The following MTHFD1L variants were observed in gnomAD, a reference collection of about 807,000 sequenced individuals.
MTHFD1L encodes the protein monofunctional C1-tetrahydrofolate synthase, mitochondrial.
Under a neutral mutation model 119.5 loss-of-function variants are expected in MTHFD1L, and 81 were observed. That is an observed-to-expected ratio of 0.68 (90% CI 0.57 to 0.82). The LOEUF (loss-of-function observed/expected upper bound fraction) is 0.82. MTHFD1L is among the 40% of genes least tolerant of loss of function. The pLI, the probability that MTHFD1L is intolerant of heterozygous loss-of-function variation, is 0.00. For missense variants in MTHFD1L, 1,125 were observed against 1,253.4 expected (o/e 0.90, Z 1.55); for synonymous variants, 430 against 475.2 (o/e 0.90, Z 1.24).
At chr6:151,092,201 A>C (rs904843719) in intron 26 of MTHFD1L, among the ~76,000 whole-genome samples, 2 of 152,142 alleles carry the variant, frequency 1.3e-5, no homozygotes, top group African/African-American at 4.8e-5. Context: ...GGAGTTTGGA[A>C]GATCACTGTT....
At position 151,036,258 on chromosome 6, in the gene MTHFD1L, A is replaced by AT. The variant is rs541242845; in HGVS notation, c.2695-697dup. Among the ~76,000 whole-genome samples the AT allele has an allele frequency of 2.8e-3, 421 of 150,110 alleles. 1 individual carries two copies. The highest frequency in any genetic ancestry group is 5.5e-3 in the Admixed American group (83 of 15,026). ...TAGCAAAACCTCCATCTCTATTTTT[A>AT]TTTTTTTTTTAAAGTTAGTGTCAAG... On this transcript the variant is annotated intron_variant, in intron 25 of 27. Coordinates refer to ENST00000367321, the MANE Select transcript of MTHFD1L (RefSeq NM_015440.5).
chr6:150,962,728 A>G (rs1434849988), intron 18 of MTHFD1L, among the ~76,000 whole-genome samples: 1 of 152,160 alleles, frequency 6.6e-6, no homozygotes, highest in Non-Finnish European at 1.5e-5. Context: ...CAACAGAAAC[A>G]TCCCTCTTAA....
At chr6:150,895,395 A>G (rs1415867473) in intron 7 of MTHFD1L, among the ~76,000 whole-genome samples, 1 of 152,180 alleles carries the variant, frequency 6.6e-6, no homozygotes, top group South Asian at 2.1e-4. Flanking sequence ...ACAGCTGGAC[A>G]ATGCTGAAAT....
intron 8 of MTHFD1L, among the ~76,000 whole-genome samples, chr6:150,911,790 A>T (rs1009285617): frequency 2.0e-5 from 3 of 152,200 alleles, no homozygotes; most frequent in African/African-American, 7.2e-5. Flanking sequence ...CACTTCTTAC[A>T]TGGCAGCAGC....
chr6:151,032,473 C>A (rs940654029), intron 24 of MTHFD1L, among the ~76,000 whole-genome samples: 1 of 152,160 alleles, frequency 6.6e-6, no homozygotes, highest in African/African-American at 2.4e-5. Flanking sequence ...ATGAGGGATC[C>A]GCCCCCGTGA....
chr6:150,884,258 C>T (rs1427087552), intron 5 of MTHFD1L, among the ~76,000 whole-genome samples: 1 of 151,650 alleles, frequency 6.6e-6, no homozygotes, highest in Non-Finnish European at 1.5e-5. Context: ...TCTCCTGCCT[C>T]AGCCTCCCGA....
intron 20 of MTHFD1L, among the ~76,000 whole-genome samples, chr6:150,982,989 T>C (rs571139008): frequency 1.4e-4 from 22 of 152,338 alleles, no homozygotes; most frequent in Non-Finnish European, 2.9e-4. Flanking sequence ...CATGAGCCAC[T>C]ATGACCGGCT....
intron 26 of MTHFD1L, among the ~76,000 whole-genome samples, chr6:151,089,745 G>A (rs1386547223): frequency 6.6e-6 from 1 of 152,248 alleles, no homozygotes; most frequent in African/African-American, 2.4e-5. Flanking sequence ...TGTGTTTGAT[G>A]TTTCAAGTAG....
intron 1 of MTHFD1L, chr6:150,866,744 C>A: frequency 9.7e-7 from 1 of 1,030,886 alleles, no homozygotes; most frequent in Non-Finnish European, 1.2e-6. Flanking sequence ...GCTGGGTTTG[C>A]AGGGTTTTCT....
intron 9 of MTHFD1L, among the ~76,000 whole-genome samples, chr6:150,920,161 C>T (rs1039120167): frequency 6.6e-6 from 1 of 152,186 alleles, no homozygotes; most frequent in Non-Finnish European, 1.5e-5. Context: ...TGGGCTCTAA[C>T]CTCATGTGCC....
At position 151,039,538 on chromosome 6, in the gene MTHFD1L, G is replaced by A. The variant is rs1338642507; in HGVS notation, c.2847+2421G>A. ...CAAGTAGCTGTGACTACAGGCTCATGCCACTGTGCCAGGCCTGTGTATAAT... is the reference window on the plus strand; with the variant it reads ...CAAGTAGCTGTGACTACAGGCTCATACCACTGTGCCAGGCCTGTGTATAAT... On this transcript the variant is annotated intron_variant, in intron 26 of 27. Transcript: ENST00000367321. The surrounding 1 kb of genome is among the most constrained non-coding windows in gnomAD (Gnocchi z 4.4). Among the ~76,000 whole-genome samples the A allele has an allele frequency of 6.6e-6, 1 of 152,110 alleles. No individual in the cohort carries two copies. Among genetic ancestry groups the A allele is most frequent in the Non-Finnish European group, 1.5e-5 (1 of 68,026 alleles).
At chr6:150,867,795 T>C (rs1381497484) in intron 1 of MTHFD1L, among the ~76,000 whole-genome samples, 1 of 94,188 alleles carries the variant, frequency 1.1e-5, no homozygotes, top group Non-Finnish European at 2.2e-5. Context: ...ATACATATTC[T>C]TTTTTTTTTT....
intron 26 of MTHFD1L, among the ~76,000 whole-genome samples, chr6:151,050,913 G>A (rs1015793048): frequency 7.2e-5 from 11 of 152,126 alleles, no homozygotes; most frequent in South Asian, 2.1e-4. Context: ...TGGAGTTGGG[G>A]TTCACCTCCC....
At chr6:151,027,378 C>A (rs1447385639) in intron 24 of MTHFD1L, among the ~76,000 whole-genome samples, 1 of 152,176 alleles carries the variant, frequency 6.6e-6, no homozygotes, top group Non-Finnish European at 1.5e-5. Flanking sequence ...CTTGAAAGGA[C>A]TTGCCATAGG....
chr6:151,016,768 CTTTTTTTTT>C (rs757274955), intron 24 of MTHFD1L: 2 of 217,736 alleles, frequency 9.2e-6, no homozygotes, highest in African/African-American at 4.1e-5. Flanking sequence ...CTATCTTAGC[CTTTTTTTTT>C]TTTTTTTTTT....
intron 26 of MTHFD1L, among the ~76,000 whole-genome samples, chr6:151,038,418 G>A (rs1584261694): frequency 6.6e-6 from 1 of 152,176 alleles, no homozygotes; most frequent in African/African-American, 2.4e-5. Context: ...ATGAGGGGGG[G>A]TGGCTGGGGA....
In MTHFD1L at chr6:151,009,426, C is replaced by G. The variant is rs140550827; in HGVS notation, c.2126-393C>G. On this transcript the variant is annotated intron_variant, in intron 20 of 27. Coordinates refer to ENST00000367321, the MANE Select transcript of MTHFD1L (RefSeq NM_015440.5). Reference sequence around the variant, plus strand: ...GTGGTGGCAAACACCTGTAGCTACTCAGGAGGCTGAGTCAGGAGAATCGCT... The same window carrying G: ...GTGGTGGCAAACACCTGTAGCTACTGAGGAGGCTGAGTCAGGAGAATCGCT... Among the ~76,000 whole-genome samples the G allele has an allele frequency of 1.9e-3, 289 of 150,864 alleles. 2 individuals are homozygous for G. The highest frequency in any genetic ancestry group is 6.2e-3 in the African/African-American group (256 of 41,134).
At chr6:150,917,007 C>T (rs1353972642) in intron 8 of MTHFD1L, among the ~76,000 whole-genome samples, 6 of 151,360 alleles carry the variant, frequency 4.0e-5, no homozygotes, top group South Asian at 4.2e-4. Flanking sequence ...ATGATCCACC[C>T]GGCTTGGCCT....
At chr6:151,005,440 A>G (rs1453435267) in intron 20 of MTHFD1L, among the ~76,000 whole-genome samples, 1 of 152,132 alleles carries the variant, frequency 6.6e-6, no homozygotes, top group East Asian at 1.9e-4. Context: ...AGAATTTGGC[A>G]CTTTCTTTTA....
Sources: gnomAD v4.1 joint callset for allele counts (sites outside exome capture counted in the v4.1 genomes callset) on GRCh38, gnomAD v4.1.1 for gene constraint, Gnocchi (gnomAD v3.1) non-coding constraint, MANE v1.5 for transcripts, NCBI Gene and HGNC (gene_info 2026-07-23, HGNC 2026-07-21) for gene names.